Variants in VPS8 observed in about 807,000 individuals in gnomAD.
The protein encoded by VPS8 is vacuolar protein sorting-associated protein 8 homolog.
VPS8 carries 129 observed loss-of-function variants against 216.4 expected under a neutral mutation model. The observed-to-expected ratio is 0.60, with a 90% confidence interval of 0.52 to 0.69. The LOEUF is 0.69. Among genes scored for constraint, VPS8 ranks in the 30% least tolerant of loss-of-function variants. VPS8 has a pLI of 0.00. For missense variants in VPS8, 1,531 were observed against 1,683.5 expected (o/e 0.91, Z 1.59); for synonymous variants, 571 against 565.4 (o/e 1.01, Z -0.14).
chr3:184,970,447 A>G (rs1338246255), intron 39 of VPS8, among the ~76,000 whole-genome samples: 1 of 152,218 alleles, frequency 6.6e-6, no homozygotes, highest in African/African-American at 2.4e-5. Flanking sequence ...GTGGAAAATT[A>G]CAGAACTATT....
At chr3:184,929,409 C>G (rs1740279258) in intron 32 of VPS8, among the ~76,000 whole-genome samples, 171 bp from the exon 33 acceptor site, 1 of 152,040 alleles carries the variant, frequency 6.6e-6, no homozygotes, top group Admixed American at 6.6e-5. Flanking sequence ...AGGCTGATCT[C>G]AAACTCCTGG....
intron 35 of VPS8, among the ~76,000 whole-genome samples, chr3:184,936,816 C>T (rs975782731): frequency 1.3e-5 from 2 of 151,516 alleles, no homozygotes; most frequent in East Asian, 1.9e-4. Flanking sequence ...CCACTCATTG[C>T]GAGCTCCGCC....
At chr3:184,920,486 AGAC>A (rs1560684535) in intron 29 of VPS8, among the ~76,000 whole-genome samples, 4 of 152,240 alleles carry the variant, frequency 2.6e-5, no homozygotes, top group Admixed American at 2.6e-4. Flanking sequence ...GTAATAATAG[AGAC>A]TAACTTCAGA....
chr3:184,936,515 CTG>C (rs59011109), intron 35 of VPS8, among the ~76,000 whole-genome samples, 180 bp downstream of exon 35: 2,853 of 119,340 alleles, frequency 0.024, 52 homozygotes, highest in African/African-American at 0.057. Flanking sequence ...CAACCTAATA[CTG>C]TGTGTGTGTG....
At chr3:184,941,266 G>GGTACATTTAAATCTTGAATAGGCTGTA in intron 36 of VPS8, among the ~76,000 whole-genome samples, 1 of 152,064 alleles carries the variant, frequency 6.6e-6, no homozygotes, top group South Asian at 2.1e-4. Flanking sequence ...AATAGGCTGT[G>GGTACATTTAAATCTTGAATAGGCTGTA]GTACATTTAA....
chr3:184,980,097 G>T (rs1011786321), intron 40 of VPS8, among the ~76,000 whole-genome samples: 1 of 152,258 alleles, frequency 6.6e-6, no homozygotes. Context: ...ATTTTTTTCT[G>T]TAAGAATGCT....
chr3:184,839,594 T>C, intron 6 of VPS8, 104 bp from the exon 7 acceptor site: 1 of 1,054,796 alleles, frequency 9.5e-7, no homozygotes, highest in Non-Finnish European at 1.4e-6. Context: ...ATAGTTTGTA[T>C]GTCATCTGGT....
intron 1 of VPS8, among the ~76,000 whole-genome samples, chr3:184,823,502 G>A (rs1473167272): frequency 6.6e-6 from 1 of 152,176 alleles, no homozygotes; most frequent in African/African-American, 2.4e-5. Context: ...CACGCTAAAG[G>A]CAGTATGTAG....
chr3:185,024,260 A>C, intron 45 of VPS8, 76 bp from the exon 46 acceptor site: 1 of 1,285,726 alleles, frequency 7.8e-7, no homozygotes, highest in Non-Finnish European at 1.1e-6. Context: ...ATTCTAGTTG[A>C]ATTATTTTGA....
chr3:184,852,637 A>G, intron 11 of VPS8, 70 bp downstream of exon 11: 1 of 1,460,594 alleles, frequency 6.8e-7, no homozygotes, highest in Non-Finnish European at 9.5e-7. Context: ...GAAATTGAAC[A>G]TGAAGAGGAC....
chr3:184,869,430 C>T, intron 19 of VPS8, 52 bp from the exon 20 acceptor site: 1 of 1,577,270 alleles, frequency 6.3e-7, no homozygotes, highest in Non-Finnish European at 8.7e-7. Flanking sequence ...AGTTTCACTC[C>T]TAAAGATGTG....
intron 45 of VPS8, among the ~76,000 whole-genome samples, chr3:185,004,440 G>C (rs1337513838): frequency 6.6e-6 from 1 of 152,246 alleles, no homozygotes; most frequent in Non-Finnish European, 1.5e-5. Flanking sequence ...GCACAGTCCA[G>C]CCTCGGCTCG....
At chr3:184,977,515 A>G (rs910947463) in intron 40 of VPS8, among the ~76,000 whole-genome samples, 5 of 152,092 alleles carry the variant, frequency 3.3e-5, no homozygotes, top group Admixed American at 6.5e-5. Context: ...ACTTAGCCAT[A>G]AATTCTTTAC....
intron 37 of VPS8, among the ~76,000 whole-genome samples, chr3:184,964,110 A>G (rs1284855947): frequency 6.6e-6 from 1 of 151,880 alleles, no homozygotes; most frequent in Non-Finnish European, 1.5e-5. Flanking sequence ...TTGATTTGTA[A>G]TGTTTTCATT....
chr3:184,822,084 A>G (rs555098165), intron 1 of VPS8, among the ~76,000 whole-genome samples: 4 of 152,324 alleles, frequency 2.6e-5, no homozygotes, highest in African/African-American at 9.6e-5. Flanking sequence ...AGAAAAGGTA[A>G]ACAAATTAAC....
Position 184,964,692 on chromosome 3 carries a change from G to A in VPS8, c.3273+135G>A, listed in dbSNP as rs372627508. ...CCCCTGAATATTTTTATCATGCATA[G>A]CATTAACTAGAGTTTAATATTTCTT... On this transcript the variant is annotated intron_variant, in intron 38 of 47. Coordinates refer to ENST00000625842, the MANE Select transcript of VPS8 (RefSeq NM_001009921.3). 225 of 441,328 alleles carry A rather than the reference G, an allele frequency of 5.1e-4. 1 individual carries two copies. The highest frequency in any genetic ancestry group is 3.8e-3 in the African/African-American group (185 of 49,228). The allele number at this position is 441,328 out of a possible 1,614,324, so 27.3% of individuals were successfully genotyped here. A position where few individuals can be genotyped will look rare whatever the true frequency, so the allele number is the denominator to read the frequency against.
chr3:184,826,743 C>T (rs769332501), intron 3 of VPS8, among the ~76,000 whole-genome samples: 21 of 152,236 alleles, frequency 1.4e-4, no homozygotes, highest in Non-Finnish European at 2.4e-4. Flanking sequence ...TGTCCTCTGA[C>T]GCTAAAGAAC....
intron 14 of VPS8, among the ~76,000 whole-genome samples, chr3:184,858,597 CT>C (rs1417707698): frequency 4.6e-5 from 7 of 152,124 alleles, no homozygotes; most frequent in Admixed American, 3.9e-4. Flanking sequence ...CAAAATTGGC[CT>C]TGTGTGATGA....
intron 25 of VPS8, among the ~76,000 whole-genome samples, chr3:184,911,942 G>C (rs917781916): frequency 1.3e-5 from 2 of 152,140 alleles, no homozygotes; most frequent in African/African-American, 4.8e-5. Context: ...GTTTGTGTCC[G>C]GCGTAGTGCC....
Sources: allele counts gnomAD v4.1 joint callset (sites outside exome capture counted in the v4.1 genomes callset), GRCh38; gene constraint gnomAD v4.1.1; transcripts MANE v1.5; gene names NCBI Gene and HGNC (gene_info 2026-07-23, HGNC 2026-07-21).